The following NTM variants were observed in gnomAD, a reference collection of about 807,000 sequenced individuals.
NTM encodes IgLON family member 2.
Under a neutral mutation model 42.1 loss-of-function variants are expected in NTM, and 13 were observed. The ratio of observed to expected loss-of-function variants is 0.31; its 90% CI spans 0.20 to 0.49. NTM has a LOEUF of 0.49. NTM is among the 20% of genes least tolerant of loss of function. The pLI is 0.99. For missense variants in NTM, 373 were observed against 452.8 expected (o/e 0.82, Z 1.60); for synonymous variants, 187 against 179.2 (o/e 1.04, Z -0.35).
intron 1 of NTM, chr11:131,502,848 G>T (rs1356335864): frequency 1.3e-5 from 2 of 152,298 alleles, no homozygotes; most frequent in Non-Finnish European, 2.9e-5. Flanking sequence ...TTGCCTGAGT[G>T]CAGGGTGGAG....
chr11:131,609,955 C>T lies in NTM; in HGVS notation c.82+239067C>T, dbSNP rs1026045164. 1.6e-4 allele frequency among the ~76,000 whole-genome samples: 25 copies of T among 152,122 alleles called. 1 individual carries two copies. Among genetic ancestry groups the T allele is most frequent in the Non-Finnish European group, 4.4e-5 (3 of 68,036 alleles). ...TCATCTAGTAAAGAAGGTGGGTATC[C>T]CTGCTCTTTGTAACAGGAGAAACAC... On this transcript the variant is annotated intron_variant, in intron 1 of 8. Coordinates refer to ENST00000683400, the MANE Select transcript of NTM (RefSeq NM_001352005.2).
chr11:132,179,268 G>C (rs537321286), intron 3 of NTM, among the ~76,000 whole-genome samples: 8 of 152,198 alleles, frequency 5.3e-5, no homozygotes, highest in Non-Finnish European at 1.2e-4. Context: ...AGATAAATTT[G>C]TTATGTAAAG....
At chr11:132,168,294 A>G (rs2075594901) in intron 3 of NTM, among the ~76,000 whole-genome samples, 1 of 152,202 alleles carries the variant, frequency 6.6e-6, no homozygotes, top group African/African-American at 2.4e-5. Context: ...TCATTTCTCC[A>G]AATAGCTTGT....
chr11:132,303,842 A>T (rs1337868395), intron 4 of NTM, among the ~76,000 whole-genome samples: 1 of 152,022 alleles, frequency 6.6e-6, no homozygotes, highest in Non-Finnish European at 1.5e-5. Flanking sequence ...TGTTTAGACT[A>T]AGTTCTACAG....
intron 1 of NTM, among the ~76,000 whole-genome samples, chr11:131,731,604 G>A (rs796672968): frequency 1.2e-4 from 19 of 152,226 alleles, no homozygotes; most frequent in African/African-American, 3.6e-4. Flanking sequence ...AGTCCTCCAC[G>A]TGGACCTGGG....
chr11:131,493,046 G>A (rs747832800), intron 1 of NTM, among the ~76,000 whole-genome samples: 1 of 151,064 alleles, frequency 6.6e-6, no homozygotes, highest in Non-Finnish European at 1.5e-5. Flanking sequence ...GGTGAACCTC[G>A]TCACTACCAA....
At chr11:131,491,246 G>A (rs574847946) in intron 1 of NTM, among the ~76,000 whole-genome samples, 3 of 152,210 alleles carry the variant, frequency 2.0e-5, no homozygotes, top group South Asian at 4.2e-4. Context: ...AGTTTATACC[G>A]AATTATCTTT....
At chr11:131,816,547 G>A (rs113442859) in intron 1 of NTM, among the ~76,000 whole-genome samples, 28 of 139,966 alleles carry the variant, frequency 2.0e-4, no homozygotes, top group Non-Finnish European at 1.8e-4. Context: ...ATTAAAGCAA[G>A]AAAAAAAAAA....
intron 1 of NTM, among the ~76,000 whole-genome samples, chr11:131,706,571 T>C (rs898672643): frequency 6.6e-5 from 10 of 152,016 alleles, no homozygotes; most frequent in Non-Finnish European, 1.0e-4. Flanking sequence ...TTCTCCAGGA[T>C]TGATCATATA....
intron 2 of NTM, among the ~76,000 whole-genome samples, chr11:131,992,788 A>G (rs2067264182): frequency 6.6e-6 from 1 of 152,302 alleles, no homozygotes; most frequent in East Asian, 1.9e-4. Flanking sequence ...TGGTGTAACT[A>G]TGGCCAGGGT....
At chr11:131,562,162 C>G (rs2056318341) in intron 1 of NTM, among the ~76,000 whole-genome samples, 1 of 151,980 alleles carries the variant, frequency 6.6e-6, no homozygotes, top group East Asian at 1.9e-4. Flanking sequence ...GCCAGTCAGG[C>G]CTGGGGACCG....
intron 1 of NTM, among the ~76,000 whole-genome samples, chr11:131,658,796 C>G (rs748029794): frequency 1.8e-4 from 27 of 152,084 alleles, no homozygotes; most frequent in Non-Finnish European, 3.7e-4. Flanking sequence ...ATGGCAAAAC[C>G]CTGTCTCTAA....
chr11:131,601,068 A>G (rs76090933), intron 1 of NTM, among the ~76,000 whole-genome samples: 7,758 of 152,200 alleles, frequency 0.051, 652 homozygotes, highest in African/African-American at 0.18. Flanking sequence ...GCACCTCTCC[A>G]TGCCTTGCTC....
intron 1 of NTM, among the ~76,000 whole-genome samples, chr11:131,599,072 G>A (rs71483680): frequency 0.43 from 64,455 of 151,448 alleles, 15,909 homozygotes; most frequent in East Asian, 0.61. Context: ...GTGCCACCAC[G>A]CCTGGCTAGT....
intron 2 of NTM, among the ~76,000 whole-genome samples, chr11:131,949,348 A>G (rs969005898): frequency 2.6e-5 from 4 of 152,148 alleles, no homozygotes; most frequent in African/African-American, 7.2e-5. Context: ...TTGTTTACCT[A>G]TTGATTTCCA....
intron 1 of NTM, among the ~76,000 whole-genome samples, chr11:131,576,251 C>T (rs1473012996): frequency 6.6e-6 from 1 of 152,198 alleles, no homozygotes; most frequent in Non-Finnish European, 1.5e-5. Context: ...CTTTTCAACT[C>T]TTCTCCAGCA....
intron 1 of NTM, among the ~76,000 whole-genome samples, chr11:131,393,141 C>T (rs1003481003): frequency 2.0e-5 from 3 of 152,164 alleles, no homozygotes; most frequent in Admixed American, 6.5e-5. Flanking sequence ...CAGACTGCTG[C>T]TGCAGCCACC....
At chr11:132,330,296 G>A in intron 8 of NTM, 111 bp downstream of exon 8, 2 of 1,235,706 alleles carry the variant, frequency 1.6e-6, no homozygotes, top group African/African-American at 3.0e-5. Context: ...AAGCAGCGCA[G>A]AGGGAACCCT....
At chr11:131,425,522 G>T (rs4936131) in intron 1 of NTM, among the ~76,000 whole-genome samples, 1 of 152,128 alleles carries the variant, frequency 6.6e-6, no homozygotes, top group Non-Finnish European at 1.5e-5. Context: ...AGCCAGGGTC[G>T]AATATTGGCT....
Sources: gnomAD v4.1 joint callset for allele counts (sites outside exome capture counted in the v4.1 genomes callset) on GRCh38, gnomAD v4.1.1 for gene constraint, MANE v1.5 for transcripts, NCBI Gene and HGNC (gene_info 2026-07-23, HGNC 2026-07-21) for gene names.